The following HDAC4 variants were observed in gnomAD, a reference collection of about 807,000 sequenced individuals.
HDAC4 encodes the protein histone deacetylase A.
HDAC4 carries 16 observed loss-of-function variants against 135.1 expected under a neutral mutation model. The ratio of observed to expected loss-of-function variants is 0.12; its 90% CI spans 0.08 to 0.18. The LOEUF (loss-of-function observed/expected upper bound fraction) is 0.18. Among genes scored for constraint, HDAC4 ranks in the 10% least tolerant of loss-of-function variants. The probability of loss-of-function intolerance (pLI) is 1.00; values close to 1 mark genes in which losing one functional copy is unlikely to be tolerated. For synonymous variants in HDAC4, 685 were observed against 653.4 expected (o/e 1.05, Z -0.74); for missense variants, 1,143 against 1,511.8 (o/e 0.76, Z 4.05).
intron 22 of HDAC4, among the ~76,000 whole-genome samples, chr2:239,079,429 TGTTC>T: frequency 6.6e-6 from 1 of 152,314 alleles, no homozygotes; most frequent in East Asian, 1.9e-4. Context: ...AGATGGGGTC[TGTTC>T]CCTCTGGGAA....
At chr2:239,315,814 C>G (rs1185813046) in intron 2 of HDAC4, among the ~76,000 whole-genome samples, 1 of 152,134 alleles carries the variant, frequency 6.6e-6, no homozygotes, top group Non-Finnish European at 1.5e-5. Flanking sequence ...TCAAAGAAAA[C>G]ATCTTCTGGA....
At chr2:239,178,468 G>C (rs891209835) in intron 4 of HDAC4, among the ~76,000 whole-genome samples, 1 of 152,088 alleles carries the variant, frequency 6.6e-6, no homozygotes, top group Non-Finnish European at 1.5e-5. Flanking sequence ...GGCTGGTCTC[G>C]AACTCCTGGG....
At chr2:239,378,495 G>A (rs1314979249) in intron 1 of HDAC4, among the ~76,000 whole-genome samples, 1 of 152,096 alleles carries the variant, frequency 6.6e-6, no homozygotes, top group African/African-American at 2.4e-5. Flanking sequence ...GCATCACAAG[G>A]ACCATCGTAC....
intron 3 of HDAC4, 72 bp from the exon 4 acceptor site, chr2:239,190,149 C>G: frequency 6.6e-7 from 1 of 1,522,514 alleles, no homozygotes; most frequent in South Asian, 1.2e-5. Flanking sequence ...AGCCCCCACC[C>G]AACACACTGG....
intron 3 of HDAC4, among the ~76,000 whole-genome samples, chr2:239,196,354 C>T (rs2045379608): frequency 6.6e-6 from 1 of 152,238 alleles, no homozygotes; most frequent in Non-Finnish European, 1.5e-5. Flanking sequence ...ACGTCACCCT[C>T]TGCGTCCCTT....
chr2:239,261,007 G>A (rs981450173), intron 2 of HDAC4, among the ~76,000 whole-genome samples: 11 of 152,250 alleles, frequency 7.2e-5, no homozygotes, highest in African/African-American at 2.2e-4. Flanking sequence ...GGCAGTCTCC[G>A]CTCCCCACAG....
intron 2 of HDAC4, among the ~76,000 whole-genome samples, chr2:239,290,362 A>G (rs745543988): frequency 2.6e-5 from 4 of 152,220 alleles, no homozygotes; most frequent in Non-Finnish European, 5.9e-5. Flanking sequence ...CGACATGGGG[A>G]CACCAGCACC....
chr2:239,104,620 C>T (rs867428412), intron 15 of HDAC4, among the ~76,000 whole-genome samples: 7 of 152,228 alleles, frequency 4.6e-5, no homozygotes, highest in Non-Finnish European at 8.8e-5. Context: ...TCTGGACAGA[C>T]GGGCCTAGGC....
chr2:239,258,776 G>A (rs2049186760), intron 2 of HDAC4, among the ~76,000 whole-genome samples: 2 of 152,204 alleles, frequency 1.3e-5, no homozygotes, highest in Admixed American at 6.5e-5. Flanking sequence ...AAGGAGTAAG[G>A]GCACAGTGAA....
At position 239,245,273 on chromosome 2, in the gene HDAC4, A is replaced by C. The variant is rs13393872; in HGVS notation, c.23-8609T>G. 0.14 allele frequency among the ~76,000 whole-genome samples: 21,979 copies of C among 152,210 alleles called. 2,224 individuals are homozygous for C. The highest frequency in any genetic ancestry group is 0.38 in the East Asian group (1,972 of 5,168). ...AGTACGGGTTTGGCAGAACCTGCTAAAGGACACTGGATTGGCTATGATCAG... is the reference window on the plus strand; with the variant it reads ...AGTACGGGTTTGGCAGAACCTGCTACAGGACACTGGATTGGCTATGATCAG... On this transcript the variant is annotated intron_variant, in intron 2 of 26. Coordinates refer to ENST00000543185, the MANE Select transcript of HDAC4 (RefSeq NM_001378414.1). The surrounding 1 kb of genome is among the most constrained non-coding windows in gnomAD (Gnocchi z 4.4).
chr2:239,235,992 A>G (rs1044990433), intron 3 of HDAC4, among the ~76,000 whole-genome samples: 12 of 152,196 alleles, frequency 7.9e-5, no homozygotes, highest in Admixed American at 3.9e-4. Flanking sequence ...GTGAGCCAAG[A>G]TTACGCCACT....
chr2:239,353,970 T>C (rs1693325178), intron 1 of HDAC4, among the ~76,000 whole-genome samples: 1 of 152,242 alleles, frequency 6.6e-6, no homozygotes, highest in African/African-American at 2.4e-5. Flanking sequence ...CTCATGTTTC[T>C]GTCTTCATAA....
At chr2:239,227,234 G>T (rs766437658) in intron 3 of HDAC4, among the ~76,000 whole-genome samples, 1 of 152,192 alleles carries the variant, frequency 6.6e-6, no homozygotes, top group South Asian at 2.1e-4. Flanking sequence ...CTTACCCCAC[G>T]TGGCTGGCAG....
In HDAC4 at chr2:239,313,885, C is replaced by T. The variant is rs978289745; in HGVS notation, c.22+38793G>A. 6.6e-5 allele frequency among the ~76,000 whole-genome samples: 10 copies of T among 152,182 alleles called. No homozygotes were observed. The highest frequency in any genetic ancestry group is 1.5e-4 in the Non-Finnish European group (10 of 68,038). On this transcript the variant is annotated intron_variant, in intron 2 of 26. Transcript: ENST00000543185. This position sits in a 1 kb window ranked among gnomAD's most constrained non-coding sequence, Gnocchi z 5.1. ...CCAGGGCCTGTCCTGGGGCAGCCAC[C>T]TGCACTGCCTCTTACCACTGCACCG...
At chr2:239,277,628 G>A (rs2050447230) in intron 2 of HDAC4, among the ~76,000 whole-genome samples, 1 of 152,212 alleles carries the variant, frequency 6.6e-6, no homozygotes, top group Non-Finnish European at 1.5e-5. Context: ...CCCGGAACCA[G>A]TGAGGCCAGT....
intron 2 of HDAC4, among the ~76,000 whole-genome samples, chr2:239,266,818 C>A (rs1360141384): frequency 6.6e-6 from 1 of 152,168 alleles, no homozygotes; most frequent in Non-Finnish European, 1.5e-5. Context: ...CTACAAGGCA[C>A]CCGCTTGGCC....
chr2:239,374,463 G>A (rs1022182116), intron 1 of HDAC4, among the ~76,000 whole-genome samples: 3 of 130,108 alleles, frequency 2.3e-5, no homozygotes, highest in Non-Finnish European at 4.7e-5. Flanking sequence ...GAGTGCAGTG[G>A]CGGGATCTCG....
chr2:239,264,717 G>A (rs1038555872), intron 2 of HDAC4, among the ~76,000 whole-genome samples: 9 of 152,214 alleles, frequency 5.9e-5, no homozygotes, highest in African/African-American at 2.2e-4. Context: ...GCCCCGTCCT[G>A]TCTGCAGCAT....
chr2:239,309,191 C>A lies in HDAC4; in HGVS notation c.22+43487G>T, dbSNP rs560340149. On this transcript the variant is annotated intron_variant, in intron 2 of 26. Coordinates refer to ENST00000543185, the MANE Select transcript of HDAC4 (RefSeq NM_001378414.1). The surrounding 1 kb of genome is among the most constrained non-coding windows in gnomAD (Gnocchi z 4.2). ...AGAAACCCAAGTCCTGCTCTCCCGG[C>A]GGCCTCGCTGGGGAAGAATTCAGCC... 6.6e-6 allele frequency: 1 copy of A among 152,158 alleles called. No individual in the cohort carries two copies. The highest frequency in any genetic ancestry group is 6.5e-5 in the Admixed American group (1 of 15,278). The allele number at this position is 152,158 out of a possible 1,614,324, so 9.4% of individuals were successfully genotyped here.
Sources: gnomAD v4.1 joint callset for allele counts (sites outside exome capture counted in the v4.1 genomes callset) on GRCh38, gnomAD v4.1.1 for gene constraint, Gnocchi (gnomAD v3.1) non-coding constraint, MANE v1.5 for transcripts, NCBI Gene and HGNC (gene_info 2026-07-23, HGNC 2026-07-21) for gene names.